Variants in KCNJ16 observed in about 807,000 individuals in gnomAD.
KCNJ16 encodes the protein potassium inwardly rectifying channel subfamily J member 16.
KCNJ16 carries 15 observed loss-of-function variants against 18.5 expected under a neutral mutation model. That is an observed-to-expected ratio of 0.81 (90% CI 0.54 to 1.25). The LOEUF is 1.25. KCNJ16 is among the 50% of genes most tolerant of loss of function. The pLI is 0.00. For synonymous variants in KCNJ16, 174 were observed against 186.5 expected, an observed-to-expected ratio of 0.93 and a Z score of 0.55; for missense variants, 523 against 525.7, an observed-to-expected ratio of 0.99 and a Z score of 0.05.
chr17:70,120,992 G>A (rs961674722), intron 2 of KCNJ16, among the ~76,000 whole-genome samples: 2 of 152,154 alleles, frequency 1.3e-5, no homozygotes, highest in Non-Finnish European at 2.9e-5. Flanking sequence ...ATGCAGACAA[G>A]TTAGGGGGTA....
intron 1 of KCNJ16, among the ~76,000 whole-genome samples, chr17:70,080,060 GA>G (rs1226759474): frequency 6.6e-6 from 1 of 152,158 alleles, no homozygotes; most frequent in East Asian, 1.9e-4. Context: ...AAGAGAAAAA[GA>G]TTTTTTTAAA....
intron 2 of KCNJ16, among the ~76,000 whole-genome samples, chr17:70,117,618 T>C (rs2073464285): frequency 6.6e-6 from 1 of 152,224 alleles, no homozygotes; most frequent in Non-Finnish European, 1.5e-5. Flanking sequence ...CTGTCAACAC[T>C]GATGTTTTTA....
intron 2 of KCNJ16, among the ~76,000 whole-genome samples, chr17:70,123,997 C>T (rs971976557): frequency 6.6e-6 from 1 of 152,138 alleles, no homozygotes; most frequent in Non-Finnish European, 1.5e-5. Flanking sequence ...TTATGGAAAC[C>T]AGGTCTTAAA....
chr17:70,088,214 T>C (rs561376885), intron 1 of KCNJ16, among the ~76,000 whole-genome samples: 2 of 152,230 alleles, frequency 1.3e-5, no homozygotes, highest in African/African-American at 4.8e-5. Flanking sequence ...AGACGATTTT[T>C]TTCACGGATG....
In KCNJ16 at chr17:70,130,885, C is replaced by T; in HGVS notation, c.-184C>T. The stretch of plus-strand genomic sequence containing the variant: ...TTTTGTTTGTTTTGCACAGGAGTAA[C>T]TCAAGATGATTTTGATGTTGCAGTT... On this transcript the variant is annotated 5_prime_UTR_variant, in exon 3 of 4. Transcript: ENST00000392671. 1 of 1,295,602 alleles carries T rather than the reference C, an allele frequency of 7.7e-7. No individual in the cohort carries two copies. The highest frequency in any genetic ancestry group is 2.5e-5 in the East Asian group (1 of 39,784). 80.3% of individuals were successfully genotyped at this position (1,295,602 alleles called of 1,614,324 possible).
chr17:70,118,352 T>A (rs979598414), intron 2 of KCNJ16, among the ~76,000 whole-genome samples: 12 of 151,926 alleles, frequency 7.9e-5, no homozygotes, highest in Non-Finnish European at 1.8e-4. Flanking sequence ...GGCACATATA[T>A]ACCTATGTAA....
At chr17:70,112,139 C>T (rs957423913) in intron 2 of KCNJ16, among the ~76,000 whole-genome samples, 8 of 152,132 alleles carry the variant, frequency 5.3e-5, no homozygotes, top group Admixed American at 6.5e-5. Context: ...ACCAAGAACC[C>T]GAGAACCAAG....
At chr17:70,108,725 A>G (rs1287598626) in intron 2 of KCNJ16, among the ~76,000 whole-genome samples, 4 of 152,140 alleles carry the variant, frequency 2.6e-5, no homozygotes, top group Admixed American at 1.3e-4. Flanking sequence ...TGTGGCTAGA[A>G]AACTATTTTT....
intron 1 of KCNJ16, among the ~76,000 whole-genome samples, chr17:70,079,668 G>T (rs1005460206): frequency 6.6e-6 from 1 of 151,914 alleles, no homozygotes; most frequent in African/African-American, 2.4e-5. Context: ...GCATATAGAA[G>T]CATCCATTAA....
rs2144336984 is a variant in KCNJ16, at chr17:70,135,521, T to C, written c.*2177T>C. On this transcript the variant is annotated 3_prime_UTR_variant, in exon 4 of 4. Transcript: ENST00000392671. ...AAAATCAGCATTTCTATGTAACATA[T>C]ATCTCTAATTATCTGTGTAATTTTA... 1 of 167,146 alleles carries C rather than the reference T, an allele frequency of 6.0e-6. No individual in the cohort carries two copies. Among genetic ancestry groups the C allele is most frequent in the Middle Eastern group, 3.4e-3 (1 of 296 alleles). The allele number at this position is 167,146 out of a possible 1,614,324, so 10.4% of individuals were successfully genotyped here.
chr17:70,085,659 C>T (rs1277203843), intron 1 of KCNJ16, among the ~76,000 whole-genome samples: 1 of 152,132 alleles, frequency 6.6e-6, no homozygotes, highest in Non-Finnish European at 1.5e-5. Context: ...GAATGAAACC[C>T]TACCACCTCA....
chr17:70,098,723 T>C (rs992367180), intron 1 of KCNJ16, among the ~76,000 whole-genome samples: 3 of 152,232 alleles, frequency 2.0e-5, no homozygotes, highest in African/African-American at 7.2e-5. Flanking sequence ...GCTTTTTCTA[T>C]GACTTTATGT....
Position 70,133,165 on chromosome 17 carries a change from C to T in KCNJ16, c.1078C>T (p.Arg360Ter), listed in dbSNP as rs757208158. Residue 360 changes from arginine (R) to a stop codon, truncating the protein, a stop_gained, in exon 4 of 4, where the codon CGA becomes TGA. Coordinates refer to ENST00000392671, the MANE Select transcript of KCNJ16 (RefSeq NM_170741.4). LOFTEE classifies it low-confidence loss of function (END_TRUNC). ...QLHIEKAPPVRESCTSDTKAR... is the reference protein window; with the variant it reads ...QLHIEKAPPV ...CCACATAGAAAAAGCACCACCAGTTCGAGAATCCTGCACGTCGGACACCAA... is the reference window on the plus strand; with the variant it reads ...CCACATAGAAAAAGCACCACCAGTTTGAGAATCCTGCACGTCGGACACCAA... 41 of 1,614,034 alleles carry T rather than the reference C, an allele frequency of 2.5e-5. No individual in the cohort carries two copies. The highest frequency in any genetic ancestry group is 4.4e-5 in the South Asian group (4 of 91,088).
At chr17:70,125,181 G>T (rs903427445) in intron 2 of KCNJ16, among the ~76,000 whole-genome samples, 6 of 151,772 alleles carry the variant, frequency 4.0e-5, no homozygotes, top group Non-Finnish European at 8.8e-5. Flanking sequence ...GAGGTGGGAA[G>T]ATGGCTTCAG....
chr17:70,129,901 CATTTATTTATTTATTTATTTATTT>C (rs36175135), intron 2 of KCNJ16, among the ~76,000 whole-genome samples: 94 of 144,350 alleles, frequency 6.5e-4, no homozygotes, highest in African/African-American at 2.3e-3. Flanking sequence ...TAAAACCTTT[CATTTATTTATTTATTTATTTATTT>C]ATTTATTTAT....
chr17:70,076,947 G>A (rs1251941958), intron 1 of KCNJ16, among the ~76,000 whole-genome samples: 1 of 152,180 alleles, frequency 6.6e-6, no homozygotes, highest in Non-Finnish European at 1.5e-5. Flanking sequence ...CATCTTCAAA[G>A]CTACCTCCCA....
At chr17:70,097,259 C>G (rs1385351572) in intron 1 of KCNJ16, among the ~76,000 whole-genome samples, 2 of 152,162 alleles carry the variant, frequency 1.3e-5, no homozygotes, top group Non-Finnish European at 2.9e-5. Context: ...CGTCTCCCCA[C>G]TCTTGTCAGG....
At chr17:70,084,056 A>C (rs778436147) in intron 1 of KCNJ16, among the ~76,000 whole-genome samples, 1 of 152,222 alleles carries the variant, frequency 6.6e-6, no homozygotes, top group Non-Finnish European at 1.5e-5. Context: ...GTGTAGGCAC[A>C]GTGGGCTCAC....
intron 1 of KCNJ16, among the ~76,000 whole-genome samples, chr17:70,082,641 C>T (rs1420482603): frequency 6.6e-6 from 1 of 152,166 alleles, no homozygotes; most frequent in African/African-American, 2.4e-5. Flanking sequence ...TCGAGGCTCT[C>T]CCCTCTTCTG....
Sources: allele counts gnomAD v4.1 joint callset (sites outside exome capture counted in the v4.1 genomes callset), GRCh38; gene constraint gnomAD v4.1.1; transcripts MANE v1.5; gene names NCBI Gene and HGNC (gene_info 2026-07-23, HGNC 2026-07-21).